CCDC7: variants seen among roughly 807,000 people sequenced by gnomAD.
CCDC7 encodes the protein coiled-coil domain containing 7, also known as coiled-coil domain-containing protein 7.
CCDC7 carries 183 observed loss-of-function variants against 196.9 expected under a neutral mutation model. The ratio of observed to expected loss-of-function variants is 0.93; its 90% CI spans 0.82 to 1.05. CCDC7 has a LOEUF of 1.05. CCDC7 is among the 50% of genes least tolerant of loss of function. The pLI is 0.00. For synonymous variants in CCDC7, 525 were observed against 484.6 expected (o/e 1.08, Z -1.10); for missense variants, 1,540 against 1,482.2 (o/e 1.04, Z -0.64).
At chr10:32,791,167 C>A (rs1172957107) in intron 29 of CCDC7, among the ~76,000 whole-genome samples, 1 of 152,066 alleles carries the variant, frequency 6.6e-6, no homozygotes, top group Non-Finnish European at 1.5e-5. Context: ...AGAGATCACA[C>A]CACTGTGCTT....
intron 25 of CCDC7, among the ~76,000 whole-genome samples, chr10:32,720,378 C>T (rs1394663893): frequency 6.6e-6 from 1 of 151,622 alleles, no homozygotes; most frequent in Non-Finnish European, 1.5e-5. Flanking sequence ...ACAATGAGAA[C>T]ATATGGGCAC....
At chr10:32,508,932 A>ATTTTTT (rs4016795) in intron 9 of CCDC7, among the ~76,000 whole-genome samples, 1 of 117,106 alleles carries the variant, frequency 8.5e-6, no homozygotes. Flanking sequence ...TGTGCCTGGC[A>ATTTTTT]TTTTTTTTTT....
intron 41 of CCDC7, among the ~76,000 whole-genome samples, chr10:32,860,232 A>T (rs1461847138): frequency 6.6e-6 from 1 of 152,246 alleles, no homozygotes; most frequent in Non-Finnish European, 1.5e-5. Flanking sequence ...AGCCGGCTTC[A>T]TCCCTGGGAT....
intron 41 of CCDC7, among the ~76,000 whole-genome samples, chr10:32,869,549 G>A (rs1352552533): frequency 6.6e-6 from 1 of 152,094 alleles, no homozygotes; most frequent in African/African-American, 2.4e-5. Context: ...TCTTTTCTGT[G>A]CAGAAGCTCT....
intron 33 of CCDC7, among the ~76,000 whole-genome samples, chr10:32,841,072 C>T (rs2092942634): frequency 6.6e-6 from 1 of 151,862 alleles, no homozygotes; most frequent in Admixed American, 6.6e-5. Context: ...GAAAGCATTC[C>T]CCCTGAAAAC....
intron 13 of CCDC7, among the ~76,000 whole-genome samples, chr10:32,545,943 A>G (rs1253291410): frequency 2.0e-5 from 3 of 151,838 alleles, no homozygotes; most frequent in Non-Finnish European, 4.4e-5. Flanking sequence ...TAGCCTCTGG[A>G]AAAAATGACG....
intron 20 of CCDC7, among the ~76,000 whole-genome samples, chr10:32,647,761 C>G (rs2068035923): frequency 6.6e-6 from 1 of 152,144 alleles, no homozygotes; most frequent in Non-Finnish European, 1.5e-5. Context: ...TGAATACTTT[C>G]TCTGATTCTA....
At chr10:32,836,034 A>G (rs2092576261) in intron 33 of CCDC7, among the ~76,000 whole-genome samples, 1 of 152,120 alleles carries the variant, frequency 6.6e-6, no homozygotes, top group Non-Finnish European at 1.5e-5. Context: ...TATCTCAGCT[A>G]CAGTAAAGTT....
At chr10:32,633,258 T>C (rs1419958359) in intron 18 of CCDC7, among the ~76,000 whole-genome samples, 2 of 152,172 alleles carry the variant, frequency 1.3e-5, no homozygotes, top group South Asian at 2.1e-4. Context: ...CATGTTCTTA[T>C]GTACACAAAC....
chr10:32,497,742 C>A (rs763094964), intron 9 of CCDC7, among the ~76,000 whole-genome samples: 2 of 152,140 alleles, frequency 1.3e-5, no homozygotes, highest in African/African-American at 4.8e-5. Flanking sequence ...TTTGATTGCA[C>A]TGTGGTCTGA....
chr10:32,580,855 G>GA lies in CCDC7; in HGVS notation c.1455-2169dup, dbSNP rs921734641. On this transcript the variant is annotated intron_variant, in intron 16 of 41. Coordinates refer to ENST00000639629, the Ensembl canonical transcript of CCDC7. ...TTCCGGAAAAAGAAAGTATTGGAAA[G>GA]AAAAAAAAAATAAAGAGGGCAGTTT... 8.5e-5 allele frequency among the ~76,000 whole-genome samples: 11 copies of GA among 129,920 alleles called. No individual in the cohort carries two copies. The East Asian group carries it at 8.7e-4, about 10-fold the overall frequency. 85.2% of individuals were successfully genotyped at this position (129,920 alleles called of 152,430 possible).
chr10:32,668,833 T>C (rs955051539), intron 21 of CCDC7, among the ~76,000 whole-genome samples: 7 of 152,098 alleles, frequency 4.6e-5, no homozygotes, highest in South Asian at 2.1e-4. Context: ...TATTGGTTTA[T>C]GTTATCTGAC....
chr10:32,460,226 A>G (rs968980622), intron 3 of CCDC7, among the ~76,000 whole-genome samples: 6 of 152,236 alleles, frequency 3.9e-5, no homozygotes, highest in Non-Finnish European at 5.9e-5. Flanking sequence ...TACCTGACGT[A>G]TATGTGTATT....
chr10:32,670,749 T>G (rs1323826295), intron 21 of CCDC7, among the ~76,000 whole-genome samples: 1 of 152,044 alleles, frequency 6.6e-6, no homozygotes, highest in Non-Finnish European at 1.5e-5. Context: ...AACTCTTAGT[T>G]TTGTTGATCT....
At chr10:32,761,181 G>A (rs1405531613) in intron 28 of CCDC7, among the ~76,000 whole-genome samples, 1 of 151,990 alleles carries the variant, frequency 6.6e-6, no homozygotes, top group Non-Finnish European at 1.5e-5. Context: ...ACATAATACA[G>A]AAGAGGGAAT....
intron 32 of CCDC7, among the ~76,000 whole-genome samples, chr10:32,830,121 G>GATATATATATACATATAT (rs373724864): frequency 0.048 from 2,451 of 50,626 alleles, 326 homozygotes; most frequent in African/African-American, 0.1. Flanking sequence ...TATATATAAG[G>GATATATATATACATATAT]ATATATATAT....
At chr10:32,854,360 T>C in intron 40 of CCDC7, 40 bp from the exon 42 acceptor site, 1 of 1,142,124 alleles carries the variant, frequency 8.8e-7, no homozygotes, top group Non-Finnish European at 1.3e-6. Flanking sequence ...AATTACTTAA[T>C]TTACCACATA....
At chr10:32,485,180 G>A (rs2040791457) in intron 8 of CCDC7, among the ~76,000 whole-genome samples, 1 of 152,228 alleles carries the variant, frequency 6.6e-6, no homozygotes, top group South Asian at 2.1e-4. Flanking sequence ...TTCAGAGCCT[G>A]TTATTGGTTT....
intron 5 of CCDC7, among the ~76,000 whole-genome samples, chr10:32,464,812 T>C (rs2036411231): frequency 2.0e-5 from 3 of 152,106 alleles, no homozygotes; most frequent in Non-Finnish European, 4.4e-5. Flanking sequence ...TGCCCTGCCG[T>C]GCCCTCTCAA....
Sources: gnomAD v4.1 joint callset for allele counts (sites outside exome capture counted in the v4.1 genomes callset) on GRCh38, gnomAD v4.1.1 for gene constraint, MANE v1.5 for transcripts, NCBI Gene and HGNC (gene_info 2026-07-23, HGNC 2026-07-21) for gene names.